ONECUT1: variants seen among roughly 807,000 people sequenced by gnomAD.
The protein encoded by ONECUT1 is hepatocyte nuclear factor 6.
A neutral mutation model predicts 25.6 loss-of-function variants in ONECUT1; 12 were observed. That is an observed-to-expected ratio of 0.47 (90% CI 0.30 to 0.76). ONECUT1 has a LOEUF of 0.76. ONECUT1 is among the 30% of genes least tolerant of loss of function. The pLI is 0.07. For missense variants in ONECUT1, 620 were observed against 651.2 expected, an observed-to-expected ratio of 0.95 and a Z score of 0.52; for synonymous variants, 285 against 270.2, an observed-to-expected ratio of 1.05 and a Z score of -0.54.
chr15:52,789,262 G>A lies in ONECUT1; in HGVS notation c.623C>T (p.Pro208Leu), dbSNP rs551147843. 1.3e-6 allele frequency: 2 copies of A among 1,547,482 alleles called. No homozygotes were observed. The highest frequency in any genetic ancestry group is 2.7e-5 in the African/African-American group (2 of 73,118). Residue 208 changes from proline to leucine, a missense_variant, in exon 1 of 2, where the codon CCC (proline) becomes CTC (leucine). Physicochemically the swap from Pro to Leu is moderately conservative, Grantham distance 98 (BLOSUM62 -3). Around this residue, in one of 4 missense-constraint regions of ONECUT1, gnomAD observed 440 missense variants for 404.9 expected, o/e 1.09. Coordinates refer to ENST00000305901, the MANE Select transcript of ONECUT1 (RefSeq NM_004498.4). This position sits in a 1 kb window ranked among gnomAD's most constrained non-coding sequence, Gnocchi z 4.1. Reference sequence around the variant, plus strand: ...GTTGGGGGTGAGCATCTTGTCGGTGGGCATGGCGGCCCCCGGGTGGGCATA... The same window carrying A: ...GTTGGGGGTGAGCATCTTGTCGGTGAGCATGGCGGCCCCCGGGTGGGCATA... ...PHYAHPGAAM[P>L]TDKMLTPNGF...
chr15:52,783,574 A>T (rs1475011606), intron 1 of ONECUT1, among the ~76,000 whole-genome samples: 1 of 152,208 alleles, frequency 6.6e-6, no homozygotes, highest in African/African-American at 2.4e-5. Context: ...CCCACCCCAC[A>T]CAAGAGGAAA....
Position 52,789,167 on chromosome 15 carries a change from C to G in ONECUT1, c.718G>C (p.Gly240Arg). 6.3e-7 allele frequency: 1 copy of G among 1,589,268 alleles called. No homozygotes were observed. Among genetic ancestry groups the G allele is most frequent in the South Asian group, 1.1e-5 (1 of 89,816 alleles). ...GGAAGGCCGTTGATGGGCACCATGC[C>G]GGCCGAGGTGGGCGTGAGGTGCTGC... ...GEQHLTPTSAGMVPINGLPPH... is the reference protein window; with the variant it reads ...GEQHLTPTSARMVPINGLPPH... The change falls in exon 1 of 2, where the codon GGC becomes CGC. Residue 240 changes from glycine (G) to arginine (R), a missense_variant. Around this residue, in one of 4 missense-constraint regions of ONECUT1, gnomAD observed 440 missense variants for 404.9 expected, o/e 1.09. Transcript: ENST00000305901. The surrounding 1 kb of genome is among the most constrained non-coding windows in gnomAD (Gnocchi z 4.1).
chr15:52,760,008 G>A (rs1326481803), intron 1 of ONECUT1, among the ~76,000 whole-genome samples: 1 of 152,070 alleles, frequency 6.6e-6, no homozygotes, highest in African/African-American at 2.4e-5. Flanking sequence ...CTACTTACGG[G>A]GCCACTGGTC....
Position 52,755,348 on chromosome 15 carries a change from G to T in ONECUT1, c.*2207C>A, listed in dbSNP as rs1395726272. 1.3e-5 allele frequency among the ~76,000 whole-genome samples: 2 copies of T among 152,078 alleles called. No homozygotes were observed. Among genetic ancestry groups the T allele is most frequent in the Non-Finnish European group, 2.9e-5 (2 of 68,020 alleles). On this transcript the variant is annotated 3_prime_UTR_variant, in exon 2 of 2. Coordinates refer to ENST00000305901, the MANE Select transcript of ONECUT1 (RefSeq NM_004498.4). The stretch of plus-strand genomic sequence containing the variant: ...TTCTATTTTTTAGTAAATCTTGAAG[G>T]GTGGCCATTTAAATGGTCTCTTTCA...
chr15:52,777,005 C>T (rs1413900478), intron 1 of ONECUT1, among the ~76,000 whole-genome samples: 5 of 152,128 alleles, frequency 3.3e-5, no homozygotes, highest in East Asian at 3.8e-4. Context: ...CAGGTGAGGT[C>T]GATGTTGCTG....
chr15:52,789,172 G>T lies in ONECUT1; in HGVS notation c.713C>A (p.Ser238Ter). ...GCCGTTGATGGGCACCATGCCGGCC[G>T]AGGTGGGCGTGAGGTGCTGCTCCCC... is the stretch of plus-strand genomic sequence containing the variant. ...RHGEQHLTPT[S>*]AGMVPINGLP... Residue 238 changes from serine (S) to a stop codon, truncating the protein, a stop_gained, in exon 1 of 2, where the codon TCG becomes TAG. Coordinates refer to ENST00000305901, the MANE Select transcript of ONECUT1 (RefSeq NM_004498.4). LOFTEE classifies it high-confidence loss of function. The surrounding 1 kb of genome is among the most constrained non-coding windows in gnomAD (Gnocchi z 4.1). The T allele has an allele frequency of 6.3e-7, 1 of 1,587,648 alleles. No homozygotes were observed.
In ONECUT1 at chr15:52,789,114, G is replaced by GT; in HGVS notation, c.770dup (p.Asn257LysfsTer29). 6.2e-7 allele frequency: 1 copy of GT among 1,601,116 alleles called. No homozygotes were observed. Among genetic ancestry groups the GT allele is most frequent in the Non-Finnish European group, 8.5e-7 (1 of 1,179,728 alleles). The stretch of plus-strand genomic sequence containing the variant: ...CCAGGAGTTGCCCGTGGCCCTGGGC[G>GT]TTCAGGTGGGCGTGGGGATGGTGCG... On this transcript the variant is annotated frameshift_variant, in exon 1 of 2. Transcript: ENST00000305901. LOFTEE classifies it high-confidence loss of function. The surrounding 1 kb of genome is among the most constrained non-coding windows in gnomAD (Gnocchi z 4.1).
chr15:52,763,186 T>A (rs2083715507), intron 1 of ONECUT1, among the ~76,000 whole-genome samples: 1 of 152,112 alleles, frequency 6.6e-6, no homozygotes, highest in East Asian at 1.9e-4. Context: ...TGAAGATCTG[T>A]TAGGAGTCAC....
rs75178093 is a variant in ONECUT1 at position 52,784,579 on chromosome 15, C to T, written c.1105+4201G>A. 0.012 allele frequency among the ~76,000 whole-genome samples: 1,820 copies of T among 152,282 alleles called. 35 individuals carry two copies. The highest frequency in any genetic ancestry group is 0.043 in the African/African-American group (1,769 of 41,540). ...CGAGCCCACTTCTTATCCCCAAGCGCACCTCCCTCTCCTCACCCGGGTTTA... is the reference window on the plus strand; with the variant it reads ...CGAGCCCACTTCTTATCCCCAAGCGTACCTCCCTCTCCTCACCCGGGTTTA... On this transcript the variant is annotated intron_variant, in intron 1 of 1. Transcript: ENST00000305901. This position sits in a 1 kb window ranked among gnomAD's most constrained non-coding sequence, Gnocchi z 5.0.
intron 1 of ONECUT1, among the ~76,000 whole-genome samples, chr15:52,778,391 C>T (rs1412861903): frequency 6.6e-6 from 1 of 152,184 alleles, no homozygotes; most frequent in African/African-American, 2.4e-5. Context: ...CTGCCAAGAA[C>T]AGTCTTTGCA....
At position 52,756,611 on chromosome 15, in the gene ONECUT1, G is replaced by A. The variant is rs993909867; in HGVS notation, c.*944C>T. Among the ~76,000 whole-genome samples the A allele has an allele frequency of 8.5e-5, 13 of 152,132 alleles. No homozygotes were observed. Among genetic ancestry groups the A allele is most frequent in the Non-Finnish European group, 1.3e-4 (9 of 68,028 alleles). On this transcript the variant is annotated 3_prime_UTR_variant, in exon 2 of 2. Transcript: ENST00000305901. Reference sequence around the variant, plus strand: ...AGGAGTGTGCCATCTGGATGTACACGTGTACTGCATCGACCTCTCTGCCAT... The same window carrying A: ...AGGAGTGTGCCATCTGGATGTACACATGTACTGCATCGACCTCTCTGCCAT...
In ONECUT1 at chr15:52,788,876, AG is replaced by A; in HGVS notation, c.1008del (p.Trp337GlyfsTer31). 1 of 1,614,132 alleles carries A rather than the reference AG, an allele frequency of 6.2e-7. No individual in the cohort carries two copies. Among genetic ancestry groups the A allele is most frequent in the Non-Finnish European group, 8.5e-7 (1 of 1,180,024 alleles). On this transcript the variant is annotated frameshift_variant, in exon 1 of 2. Transcript: ENST00000305901. LOFTEE classifies it high-confidence loss of function. The surrounding 1 kb of genome is among the most constrained non-coding windows in gnomAD (Gnocchi z 4.3). ...TCCCGGCCGGATTTGAGTTTGCTCC[AG>A]GGTTTGGGGTTGCGCAGCAGGTCCG... is the stretch of plus-strand genomic sequence containing the variant. ...TLSDLLRNPK[P>X]WSKLKSGRET... is the part of the protein sequence containing the mutation.
rs1364317648 is a variant in ONECUT1 at position 52,789,399 on chromosome 15, A to T, written c.486T>A (p.Asn162Lys). Residue 162 changes from asparagine (N) to lysine (K), a missense_variant, in exon 1 of 2, where the codon AAT (asparagine) becomes AAA (lysine). Asn to Lys is a moderately conservative substitution (Grantham distance 94). This residue lies in a region of ONECUT1 where 440 missense variants were observed against 404.9 expected (regional missense o/e 1.09). Transcript: ENST00000305901. The surrounding 1 kb of genome is among the most constrained non-coding windows in gnomAD (Gnocchi z 4.1). ...MRDERGLASMNNLYTPYHKDV... is the reference protein window; with the variant it reads ...MRDERGLASMKNLYTPYHKDV... Reference sequence around the variant, plus strand: ...CCTTGTGGTAGGGGGTATAGAGGTTATTCATGGAGGCCAGCCCGCGCTCAT... The same window carrying T: ...CCTTGTGGTAGGGGGTATAGAGGTTTTTCATGGAGGCCAGCCCGCGCTCAT... 6.2e-7 allele frequency: 1 copy of T among 1,613,446 alleles called. No homozygotes were observed. The highest frequency in any genetic ancestry group is 8.5e-7 in the Non-Finnish European group (1 of 1,179,838).
At chr15:52,760,173 G>A (rs1352526040) in intron 1 of ONECUT1, among the ~76,000 whole-genome samples, 2 of 152,100 alleles carry the variant, frequency 1.3e-5, no homozygotes, top group Non-Finnish European at 2.9e-5. Context: ...CATGAGGGGC[G>A]GCATCAACCT....
chr15:52,768,524 A>G (rs1237125773), intron 1 of ONECUT1, among the ~76,000 whole-genome samples: 1 of 152,200 alleles, frequency 6.6e-6, no homozygotes, highest in Non-Finnish European at 1.5e-5. Flanking sequence ...TGATTCCACA[A>G]AACAGTCAAA....
intron 1 of ONECUT1, among the ~76,000 whole-genome samples, chr15:52,783,747 C>A (rs1174201920): frequency 6.6e-6 from 1 of 152,222 alleles, no homozygotes; most frequent in Non-Finnish European, 1.5e-5. Context: ...CTACGCTGAC[C>A]CCGCTTTTCT....
At chr15:52,771,610 A>C (rs1437537997) in intron 1 of ONECUT1, among the ~76,000 whole-genome samples, 1 of 151,832 alleles carries the variant, frequency 6.6e-6, no homozygotes, top group Non-Finnish European at 1.5e-5. Context: ...TTTTTTTACA[A>C]TGAGCATGTA....
chr15:52,757,962 G>T, intron 1 of ONECUT1, 115 bp from the exon 2 acceptor site: 1 of 1,133,850 alleles, frequency 8.8e-7, no homozygotes, highest in Non-Finnish European at 1.3e-6. Flanking sequence ...TCTGTTTGCT[G>T]ACCTCTGCTT....
rs911046440 is a variant in ONECUT1 at position 52,790,167 on chromosome 15, C to T, written c.-283G>A. On this transcript the variant is annotated 5_prime_UTR_variant, in exon 1 of 2. Coordinates refer to ENST00000305901, the MANE Select transcript of ONECUT1 (RefSeq NM_004498.4). ...TTAATATTAATTTCCAAAGAGGATC[C>T]GCGCCGTTGGGAGAGCGCAGTGCCC... 2.0e-5 allele frequency among the ~76,000 whole-genome samples: 3 copies of T among 150,796 alleles called. No homozygotes were observed. Among genetic ancestry groups the T allele is most frequent in the Non-Finnish European group, 4.4e-5 (3 of 67,626 alleles).
Sources: allele counts gnomAD v4.1 joint callset (sites outside exome capture counted in the v4.1 genomes callset), GRCh38; gene constraint gnomAD v4.1.1; regional missense constraint gnomAD v4.1.1; non-coding constraint Gnocchi (gnomAD v3.1); transcripts MANE v1.5; gene names NCBI Gene and HGNC (gene_info 2026-07-23, HGNC 2026-07-21).